MS4A15: variants seen among roughly 807,000 people sequenced by gnomAD.
MS4A15 encodes membrane-spanning 4-domains subfamily A member 15.
In MS4A15, 22 loss-of-function variants were observed where a neutral mutation model predicts 20.6. That is an observed-to-expected ratio of 1.07 (90% CI 0.76 to 1.52). MS4A15 has a LOEUF of 1.52. MS4A15 is among the 40% of genes most tolerant of loss of function. MS4A15 has a pLI of 0.00. For missense variants in MS4A15, 312 were observed against 323.0 expected, an observed-to-expected ratio of 0.97 and a Z score of 0.26; for synonymous variants, 129 against 129.3, an observed-to-expected ratio of 1.00 and a Z score of 0.02.
At chr11:60,771,995 A>C (rs1017542720) in intron 4 of MS4A15, among the ~76,000 whole-genome samples, 12 of 152,172 alleles carry the variant, frequency 7.9e-5, no homozygotes, top group Non-Finnish European at 1.8e-4. Context: ...TGCCTTGTAG[A>C]CACCCGTAAA....
At chr11:60,760,526 G>C (rs1853712562) in intron 1 of MS4A15, among the ~76,000 whole-genome samples, 1 of 152,128 alleles carries the variant, frequency 6.6e-6, no homozygotes, top group Admixed American at 6.5e-5. Context: ...CCATGCCGGA[G>C]AAAAAACTAA....
chr11:60,761,571 T>G (rs1479647931), intron 1 of MS4A15, among the ~76,000 whole-genome samples: 4 of 152,348 alleles, frequency 2.6e-5, no homozygotes, highest in Middle Eastern at 3.4e-3. Context: ...ATCAGACTAT[T>G]GGATCTGGGA....
intron 3 of MS4A15, among the ~76,000 whole-genome samples, chr11:60,769,952 G>A (rs1407597563): frequency 6.6e-6 from 1 of 152,132 alleles, no homozygotes; most frequent in Non-Finnish European, 1.5e-5. Context: ...TGACCCTGCG[G>A]TCTCCCCAGC....
At chr11:60,760,458 C>CA (rs1565068227) in intron 1 of MS4A15, among the ~76,000 whole-genome samples, 2 of 147,502 alleles carry the variant, frequency 1.4e-5, no homozygotes, top group African/African-American at 4.9e-5. Flanking sequence ...ACCCTTTGGA[C>CA]GTTTTAAATC....
chr11:60,775,846 C>G lies in MS4A15; in HGVS notation c.*131C>G, dbSNP rs771594740. On this transcript the variant is annotated 3_prime_UTR_variant, in exon 7 of 7. Coordinates refer to ENST00000405633, the MANE Select transcript of MS4A15 (RefSeq NM_001098835.2). Reference sequence around the variant, plus strand: ...CTCCCTCACCACATCTACACATACTCCGGCATCTGAGTGAAGTGTCCCCAG... The same window carrying G: ...CTCCCTCACCACATCTACACATACTGCGGCATCTGAGTGAAGTGTCCCCAG... 1 of 658,808 alleles carries G rather than the reference C, an allele frequency of 1.5e-6. No homozygotes were observed. The highest frequency in any genetic ancestry group is 2.6e-6 in the Non-Finnish European group (1 of 383,446). 40.8% of individuals were successfully genotyped at this position (658,808 alleles called of 1,614,324 possible).
intron 4 of MS4A15, 102 bp from the exon 5 acceptor site, chr11:60,773,290 T>C: frequency 1.2e-6 from 1 of 865,314 alleles, no homozygotes; most frequent in Non-Finnish European, 1.8e-6. Flanking sequence ...TCCTTGGCTG[T>C]GGGAGGCAGC....
intron 6 of MS4A15, 40 bp from the exon 7 acceptor site, chr11:60,775,565 C>G (rs1426075769): frequency 6.5e-7 from 1 of 1,536,760 alleles, no homozygotes; most frequent in Non-Finnish European, 9.0e-7. Flanking sequence ...CCCTGAAGCT[C>G]CAGCGTCCTC....
Position 60,767,540 on chromosome 11 carries a change from A to G in MS4A15, c.233A>G (p.Gln78Arg), listed in dbSNP as rs1348743354. ...TGEPKVLGTV[Q>R]ILIGLIHLGF... ...CCTCGGGGCTTCCCGCAGACGGTGC[A>G]GATCCTCATCGGCCTCATCCACCTA... Residue 78 changes from glutamine to arginine, a missense_variant, in exon 3 of 7, where the codon CAG (glutamine) becomes CGG (arginine). Gln to Arg is a conservative substitution (Grantham distance 43, BLOSUM62 1). Coordinates refer to ENST00000405633, the MANE Select transcript of MS4A15 (RefSeq NM_001098835.2). 21 of 1,544,806 alleles carry G rather than the reference A, an allele frequency of 1.4e-5. No individual in the cohort carries two copies. The highest frequency in any genetic ancestry group is 1.8e-5 in the Non-Finnish European group (21 of 1,143,776).
intron 1 of MS4A15, among the ~76,000 whole-genome samples, chr11:60,762,332 A>G (rs1315994694): frequency 6.6e-6 from 1 of 152,236 alleles, no homozygotes; most frequent in Non-Finnish European, 1.5e-5. Context: ...GTAATTGGCA[A>G]TATAATTCTA....
chr11:60,765,881 C>CAAAA (rs11351320), intron 2 of MS4A15, among the ~76,000 whole-genome samples: 36 of 137,868 alleles, frequency 2.6e-4, no homozygotes, highest in African/African-American at 6.1e-4. Context: ...TCTCCCCCTC[C>CAAAA]AAAAAAAAAA....
chr11:60,763,214 G>A (rs1853792270), intron 1 of MS4A15, among the ~76,000 whole-genome samples: 1 of 152,066 alleles, frequency 6.6e-6, no homozygotes, highest in Non-Finnish European at 1.5e-5. Flanking sequence ...CAAATAGAAA[G>A]CTTCCCACAG....
chr11:60,762,521 A>G (rs1024487117), intron 1 of MS4A15, among the ~76,000 whole-genome samples: 1 of 152,258 alleles, frequency 6.6e-6, no homozygotes, highest in African/African-American at 2.4e-5. Context: ...TTCAACAATT[A>G]TAAAAAGGCT....
At chr11:60,767,703 G>A (rs1853920476) in intron 3 of MS4A15, 48 bp downstream of exon 3, 3 of 1,489,296 alleles carry the variant, frequency 2.0e-6, no homozygotes, top group South Asian at 1.3e-5. Flanking sequence ...TGCTGCCCAG[G>A]CTCACCTCTC....
At position 60,775,611 on chromosome 11, in the gene MS4A15, A is replaced by G. The variant is rs934846532; in HGVS notation, c.619A>G (p.Ile207Val). 6.2e-6 allele frequency: 10 copies of G among 1,613,720 alleles called. No homozygotes were observed. The African/African-American group carries it at 1.3e-4, about 22-fold the overall frequency. The change falls in exon 7 of 7, where the codon ATC (isoleucine) becomes GTC (valine). Residue 207 changes from isoleucine to valine, a missense_variant. Transcript: ENST00000405633. ...AGTGCTGTTTTCTTTGCAGCCTGTG[A>G]TCTTCCTGCCAAACGCCTTCAGCGC... ...AIHAQASAPV[I>V]FLPNAFSADF...
At chr11:60,768,276 C>G (rs2134717266) in intron 3 of MS4A15, among the ~76,000 whole-genome samples, 1 of 152,332 alleles carries the variant, frequency 6.6e-6, no homozygotes, top group Non-Finnish European at 1.5e-5. Context: ...CACCCTGCAA[C>G]CAAACCCCTC....
At chr11:60,771,265 T>C in intron 3 of MS4A15, 26 bp from the exon 4 acceptor site, 1 of 1,612,676 alleles carries the variant, frequency 6.2e-7, no homozygotes, top group African/African-American at 1.3e-5. Context: ...GGCTGAGGCC[T>C]CACCTGGTCC....
chr11:60,763,826 A>C lies in MS4A15; in HGVS notation c.93A>C (p.Thr31=). 4 of 1,612,602 alleles carry C rather than the reference A, an allele frequency of 2.5e-6. No homozygotes were observed. Among genetic ancestry groups the C allele is most frequent in the Non-Finnish European group, 3.4e-6 (4 of 1,179,858 alleles). The part of the protein sequence containing the change: ...GLCPPPAILP[T]SMCQPPGIMQ... ...GCCCACCTCCGGCCATTCTGCCCACATCCATGTGCCAACCTCCAGGGATTA... is the reference window on the plus strand; with the variant it reads ...GCCCACCTCCGGCCATTCTGCCCACCTCCATGTGCCAACCTCCAGGGATTA... The change falls in exon 2 of 7, where the codon ACA becomes ACC. Residue 31 remains threonine, a synonymous_variant. Transcript: ENST00000405633.
intron 4 of MS4A15, among the ~76,000 whole-genome samples, chr11:60,772,441 C>T (rs570779761): frequency 3.9e-5 from 6 of 152,282 alleles, no homozygotes; most frequent in Non-Finnish European, 7.4e-5. Context: ...CAGTGTCCCC[C>T]GGGCTGTGAG....
At chr11:60,765,315 C>T (rs1254047225) in intron 2 of MS4A15, among the ~76,000 whole-genome samples, 1 of 152,036 alleles carries the variant, frequency 6.6e-6, no homozygotes, top group Non-Finnish European at 1.5e-5. Context: ...TAATGGCCAC[C>T]TGCTATTTTA....
Sources: allele counts gnomAD v4.1 joint callset (sites outside exome capture counted in the v4.1 genomes callset), GRCh38; gene constraint gnomAD v4.1.1; transcripts MANE v1.5; gene names NCBI Gene and HGNC (gene_info 2026-07-23, HGNC 2026-07-21).